The following EYS variants were observed in gnomAD, a reference collection of about 807,000 sequenced individuals.
EYS encodes the protein EGF-like photoreceptor maintenance factor.
A neutral mutation model predicts 282.1 loss-of-function variants in EYS; 250 were observed. The observed-to-expected ratio is 0.89, with a 90% confidence interval of 0.80 to 0.98. The LOEUF (loss-of-function observed/expected upper bound fraction) is 0.98, where lower values mean the gene tolerates loss of function less well. Ranked by LOEUF, EYS falls within the 50% of genes least tolerant of loss-of-function variation. EYS has a pLI of 0.00. For synonymous variants in EYS, 1,355 were observed against 1,282.9 expected (o/e 1.06, Z -1.20); for missense variants, 4,016 against 3,709.0 (o/e 1.08, Z -2.15).
chr6:64,211,256 T>A (rs76757153), intron 31 of EYS, among the ~76,000 whole-genome samples: 4,127 of 152,282 alleles, frequency 0.027, 59 homozygotes, highest in African/African-American at 0.043. Flanking sequence ...GAGATCTGCA[T>A]TTATTTTTAA....
chr6:63,766,570 G>T (rs1464822781), intron 40 of EYS, among the ~76,000 whole-genome samples: 1 of 152,012 alleles, frequency 6.6e-6, no homozygotes, highest in African/African-American at 2.4e-5. Context: ...TTTGGTAAGT[G>T]TGTTAGTATG....
intron 26 of EYS, among the ~76,000 whole-genome samples, chr6:64,580,275 G>A (rs1230710243): frequency 6.6e-6 from 1 of 152,114 alleles, no homozygotes; most frequent in African/African-American, 2.4e-5. Flanking sequence ...ACTGCTGAGG[G>A]AAGCTAACAG....
intron 22 of EYS, among the ~76,000 whole-genome samples, chr6:64,700,156 A>T (rs1251947694): frequency 6.6e-6 from 1 of 152,102 alleles, no homozygotes; most frequent in African/African-American, 2.4e-5. Flanking sequence ...AAATAGATGC[A>T]GAACAAGCAT....
At chr6:64,828,241 A>G (rs1765115387) in intron 19 of EYS, among the ~76,000 whole-genome samples, 1 of 151,886 alleles carries the variant, frequency 6.6e-6, no homozygotes, top group South Asian at 2.1e-4. Context: ...GAAAACAGAA[A>G]AGAGCTTCTA....
At chr6:63,860,940 A>G (rs1772516671) in intron 36 of EYS, among the ~76,000 whole-genome samples, 1 of 151,832 alleles carries the variant, frequency 6.6e-6, no homozygotes, top group Non-Finnish European at 1.5e-5. Flanking sequence ...TCTCTTCTTT[A>G]TATTTCTCTT....
chr6:64,539,154 G>A lies in EYS; in HGVS notation c.5644+51069C>T, dbSNP rs1471950858. 2.0e-5 allele frequency among the ~76,000 whole-genome samples: 3 copies of A among 152,176 alleles called. No homozygotes were observed. In the East Asian group the frequency reaches 5.8e-4, roughly 29 times the overall value. The stretch of plus-strand genomic sequence containing the variant: ...GTACAGATTTTCACTTTTGCAAGAT[G>A]AAGAAGTTTTGGAGAGTGGCTGCAT... On this transcript the variant is annotated intron_variant, in intron 26 of 42. Transcript: ENST00000503581.
chr6:64,062,847 A>G (rs1771225588), intron 33 of EYS, among the ~76,000 whole-genome samples: 1 of 151,912 alleles, frequency 6.6e-6, no homozygotes, highest in Admixed American at 6.6e-5. Flanking sequence ...TCCTCACTTT[A>G]CCTCTTTTTA....
chr6:64,811,880 C>T (rs1246465624), intron 22 of EYS, among the ~76,000 whole-genome samples: 1 of 152,116 alleles, frequency 6.6e-6, no homozygotes, highest in Admixed American at 6.6e-5. Flanking sequence ...GGACTAAGAG[C>T]TCTTACAGTG....
At chr6:64,386,287 A>G (rs678317) in intron 29 of EYS, among the ~76,000 whole-genome samples, 110,111 of 152,142 alleles carry the variant, frequency 0.72, 39,983 homozygotes, top group African/African-American at 0.8. Context: ...TACTTGAGAC[A>G]GGGTAATTGA....
chr6:64,522,581 C>T (rs530666520), intron 26 of EYS, among the ~76,000 whole-genome samples: 51 of 151,732 alleles, frequency 3.4e-4, no homozygotes, highest in Admixed American at 3.4e-3. Context: ...ATCCCAAGGC[C>T]TCCTGAAATC....
chr6:65,059,118 T>A (rs1413150953), intron 12 of EYS, among the ~76,000 whole-genome samples: 2 of 152,038 alleles, frequency 1.3e-5, no homozygotes, highest in Non-Finnish European at 2.9e-5. Flanking sequence ...TAAAAAGAAT[T>A]ATGTGAGTGA....
At chr6:64,920,878 A>G (rs906082256) in intron 15 of EYS, among the ~76,000 whole-genome samples, 1 of 152,110 alleles carries the variant, frequency 6.6e-6, no homozygotes, top group Non-Finnish European at 1.5e-5. Flanking sequence ...ATTTATAAAC[A>G]TTTTACAAAA....
At chr6:65,040,132 T>C (rs1238038407) in intron 13 of EYS, among the ~76,000 whole-genome samples, 2 of 151,702 alleles carry the variant, frequency 1.3e-5, no homozygotes, top group African/African-American at 4.8e-5. Context: ...CATTGTAAGA[T>C]GTATACAGAA....
intron 22 of EYS, among the ~76,000 whole-genome samples, chr6:64,732,167 G>C (rs944752880): frequency 2.2e-4 from 33 of 152,200 alleles, no homozygotes; most frequent in African/African-American, 7.2e-4. Flanking sequence ...GTCGGGGTTG[G>C]GGGGCAAGGG....
intron 19 of EYS, among the ~76,000 whole-genome samples, chr6:64,881,648 A>C (rs183341887): frequency 6.6e-6 from 1 of 151,900 alleles, no homozygotes; most frequent in Admixed American, 6.6e-5. Flanking sequence ...AAGGCTTGGG[A>C]TGTAAGAGGC....
chr6:63,950,522 C>T (rs983266503), intron 35 of EYS, among the ~76,000 whole-genome samples: 1 of 152,188 alleles, frequency 6.6e-6, no homozygotes, highest in Non-Finnish European at 1.5e-5. Flanking sequence ...CCACCTGCAC[C>T]CAGGTGATTA....
chr6:64,364,571 C>T (rs1772128236), intron 29 of EYS, among the ~76,000 whole-genome samples: 1 of 151,878 alleles, frequency 6.6e-6, no homozygotes, highest in African/African-American at 2.4e-5. Flanking sequence ...TCTCAGGCTG[C>T]AGTAACATGT....
chr6:64,368,494 G>A (rs1197642464), intron 29 of EYS, among the ~76,000 whole-genome samples: 1 of 151,384 alleles, frequency 6.6e-6, no homozygotes, highest in African/African-American at 2.4e-5. Context: ...TTTTAAGTTC[G>A]TTGAGAAATT....
In EYS at chr6:65,371,741, C is replaced by CTCTGTG. The variant is rs1335075948; in HGVS notation, c.1299+12644_1299+12645insCACAGA. 2.6e-3 allele frequency among the ~76,000 whole-genome samples: 180 copies of CTCTGTG among 70,244 alleles called. 1 individual carries two copies. Among genetic ancestry groups the CTCTGTG allele is most frequent in the African/African-American group, 6.4e-3 (107 of 16,742 alleles). 46.1% of individuals were successfully genotyped at this position (70,244 alleles called of 152,430 possible). On this transcript the variant is annotated intron_variant, in intron 8 of 42. Coordinates refer to ENST00000503581, the MANE Select transcript of EYS (RefSeq NM_001142800.2). ...TCTCTCTCTCTCTCTCTCTCTCTCT[C>CTCTGTG]TGTGTGTGTGTGTGTGTGTGTGTGT...
Sources: allele counts gnomAD v4.1 joint callset (sites outside exome capture counted in the v4.1 genomes callset), GRCh38; gene constraint gnomAD v4.1.1; transcripts MANE v1.5; gene names NCBI Gene and HGNC (gene_info 2026-07-23, HGNC 2026-07-21).